Variants in C2CD3 observed in about 807,000 individuals in gnomAD.
C2CD3 encodes C2 domain containing 3 centriole elongation regulator.
In C2CD3, 148 loss-of-function variants were observed where a neutral mutation model predicts 234.0. The observed-to-expected ratio is 0.63, with a 90% CI of 0.55 to 0.72. C2CD3 has a LOEUF of 0.72. Ranked by LOEUF, C2CD3 falls within the 30% of genes least tolerant of loss-of-function variation. C2CD3 has a pLI of 0.00. For synonymous variants in C2CD3, 1,000 were observed against 1,035.4 expected, an observed-to-expected ratio of 0.97 and a Z score of 0.66; for missense variants, 2,577 against 2,811.5, an observed-to-expected ratio of 0.92 and a Z score of 1.89.
chr11:74,162,243 TA>T (rs1409691986), intron 2 of C2CD3, among the ~76,000 whole-genome samples: 1 of 152,170 alleles, frequency 6.6e-6, no homozygotes, highest in African/African-American at 2.4e-5. Flanking sequence ...AGTAGCTCTA[TA>T]CTGATATGGA....
intron 18 of C2CD3, 116 bp from the exon 19 acceptor site, chr11:74,092,704 G>A (rs1395312940): frequency 2.3e-5 from 18 of 784,078 alleles, no homozygotes; most frequent in Non-Finnish European, 3.6e-5. Context: ...TTCTGTGTTG[G>A]TAGTACGCAG....
chr11:74,091,059 A>G, intron 19 of C2CD3, 123 bp from the exon 20 acceptor site: 1 of 893,134 alleles, frequency 1.1e-6, no homozygotes, highest in Non-Finnish European at 1.7e-6. Context: ...AAGGGCAATG[A>G]GAGAATCTGT....
At chr11:74,157,774 A>G (rs903615842) in intron 3 of C2CD3, among the ~76,000 whole-genome samples, 2 of 152,226 alleles carry the variant, frequency 1.3e-5, no homozygotes, top group African/African-American at 4.8e-5. Context: ...AGTGCTCCCA[A>G]TGAGCCCCCC....
chr11:74,139,585 G>A lies in C2CD3; in HGVS notation c.707+20C>T, dbSNP rs1200025337. 6.7e-7 allele frequency: 1 copy of A among 1,487,700 alleles called. No homozygotes were observed. Among genetic ancestry groups the A allele is most frequent in the African/African-American group, 1.4e-5 (1 of 72,514 alleles). 92.2% of individuals were successfully genotyped at this position (1,487,700 alleles called of 1,614,324 possible). ...GTGCAGTTAACTGACAGATTGACTG[G>A]TATTAGGTATGGTAATTACCTCGGA... On this transcript the variant is annotated intron_variant, in intron 4 of 32. Coordinates refer to ENST00000334126, the MANE Select transcript of C2CD3 (RefSeq NM_001286577.2).
intron 3 of C2CD3, among the ~76,000 whole-genome samples, chr11:74,150,507 A>AAAAAAAAAAAAAAAAAAAAAAAAAAAAAT (rs1855539948): frequency 1.3e-5 from 1 of 76,998 alleles, no homozygotes; most frequent in African/African-American, 4.9e-5. Flanking sequence ...AAAAAAAAAA[A>AAAAAAAAAAAAAAAAAAAAAAAAAAAAAT]AAAAAAAACA....
chr11:74,079,988 A>T (rs141205659), intron 22 of C2CD3, among the ~76,000 whole-genome samples: 109 of 152,298 alleles, frequency 7.2e-4, no homozygotes, highest in African/African-American at 2.4e-3. Flanking sequence ...AAGTGGCCAC[A>T]GACACTATGT....
At chr11:74,117,878 A>G (rs1184861414) in intron 9 of C2CD3, among the ~76,000 whole-genome samples, 1 of 149,900 alleles carries the variant, frequency 6.7e-6, no homozygotes, top group Non-Finnish European at 1.5e-5. Flanking sequence ...GTGCCATTGC[A>G]CTCCAGTCTG....
intron 24 of C2CD3, among the ~76,000 whole-genome samples, chr11:74,069,702 T>C (rs956163851): frequency 2.6e-5 from 4 of 152,200 alleles, no homozygotes; most frequent in Non-Finnish European, 2.9e-5. Context: ...CTTTAGATTT[T>C]TTTCCATTGC....
intron 31 of C2CD3, among the ~76,000 whole-genome samples, chr11:74,030,955 G>A (rs559662895): frequency 3.3e-5 from 5 of 152,076 alleles, no homozygotes; most frequent in African/African-American, 7.2e-5. Flanking sequence ...TGTTCCCCTC[G>A]TCTTCATCAT....
intron 3 of C2CD3, among the ~76,000 whole-genome samples, chr11:74,146,058 G>C (rs972340483): frequency 4.6e-5 from 7 of 152,178 alleles, no homozygotes; most frequent in Non-Finnish European, 8.8e-5. Flanking sequence ...TAAGAATTAT[G>C]ATGGGCCTGT....
At chr11:74,035,579 C>T (rs547859940) in intron 30 of C2CD3, among the ~76,000 whole-genome samples, 2 of 152,122 alleles carry the variant, frequency 1.3e-5, no homozygotes, top group African/African-American at 2.4e-5. Context: ...TAGCATATAG[C>T]TCTGGCTTAA....
At chr11:74,039,422 A>G (rs1053143200) in intron 29 of C2CD3, among the ~76,000 whole-genome samples, 8 of 152,224 alleles carry the variant, frequency 5.3e-5, no homozygotes, top group African/African-American at 1.9e-4. Flanking sequence ...TCCTCTAGAT[A>G]GTAGTTCTGA....
At position 74,078,476 on chromosome 11, in the gene C2CD3, C is replaced by G. The variant is rs758928557; in HGVS notation, c.4242G>C (p.Leu1414=). Residue 1414 remains leucine, a synonymous_variant, in exon 23 of 33, where the codon CTG becomes CTC. Coordinates refer to ENST00000334126, the MANE Select transcript of C2CD3 (RefSeq NM_001286577.2). Reference sequence around the variant, plus strand: ...GCAGCACACAATGGATGGGCAGCCACAGCCTTGGGGTGGAGATGGTGACAG... The same window carrying G: ...GCAGCACACAATGGATGGGCAGCCAGAGCCTTGGGGTGGAGATGGTGACAG... ...PATVTISTPR[L]WLPIHCVLLA... 6.2e-7 allele frequency: 1 copy of G among 1,614,204 alleles called. No homozygotes were observed. Among genetic ancestry groups the G allele is most frequent in the Non-Finnish European group, 8.5e-7 (1 of 1,180,022 alleles).
chr11:74,117,295 G>A (rs188102473), intron 9 of C2CD3, among the ~76,000 whole-genome samples: 5 of 120,730 alleles, frequency 4.1e-5, no homozygotes, highest in Admixed American at 3.8e-4. Context: ...GTGAGACCCC[G>A]TCTCAAAAAA....
chr11:74,103,750 G>A (rs886231516), intron 13 of C2CD3, 125 bp from the exon 14 acceptor site: 3 of 740,098 alleles, frequency 4.1e-6, no homozygotes, highest in Admixed American at 5.7e-5. Context: ...CACTCTAATA[G>A]TAAGAATATT....
intron 23 of C2CD3, among the ~76,000 whole-genome samples, chr11:74,077,253 G>A (rs1265146935): frequency 1.3e-5 from 2 of 151,734 alleles, no homozygotes; most frequent in Non-Finnish European, 2.9e-5. Context: ...GTGATTACAA[G>A]TAGTTCCCTA....
At chr11:74,042,947 C>A (rs1953147355) in intron 28 of C2CD3, among the ~76,000 whole-genome samples, 1 of 152,220 alleles carries the variant, frequency 6.6e-6, no homozygotes, top group Non-Finnish European at 1.5e-5. Context: ...AATTCCTGAG[C>A]ATGATATTCA....
intron 8 of C2CD3, among the ~76,000 whole-genome samples, 167 bp downstream of exon 8, chr11:74,122,821 G>C (rs1334556826): frequency 6.6e-6 from 1 of 152,114 alleles, no homozygotes; most frequent in South Asian, 2.1e-4. Context: ...AATCCTACTA[G>C]GCCTGTCTCA....
chr11:74,147,654 T>C (rs1048597429), intron 3 of C2CD3, among the ~76,000 whole-genome samples: 9 of 152,224 alleles, frequency 5.9e-5, no homozygotes, highest in African/African-American at 2.2e-4. Flanking sequence ...CTGACATTAC[T>C]GCCTATGTAA....
Sources: gnomAD v4.1 joint callset for allele counts (sites outside exome capture counted in the v4.1 genomes callset) on GRCh38, gnomAD v4.1.1 for gene constraint, MANE v1.5 for transcripts, NCBI Gene and HGNC (gene_info 2026-07-23, HGNC 2026-07-21) for gene names.